SHANK2: variants seen among roughly 807,000 people sequenced by gnomAD.
SHANK2 encodes SH3 and multiple ankyrin repeat domains protein 2.
SHANK2 carries 43 observed loss-of-function variants against 133.7 expected under a neutral mutation model. The ratio of observed to expected loss-of-function variants is 0.32; its 90% confidence interval spans 0.25 to 0.41. The LOEUF is 0.41. SHANK2 is among the 10% of genes least tolerant of loss of function. The probability of loss-of-function intolerance (pLI) is 1.00; values close to 1 mark genes in which losing one functional copy is unlikely to be tolerated. For synonymous variants in SHANK2, 1,017 were observed against 952.8 expected (o/e 1.07, Z -1.24); for missense variants, 1,994 against 2,235.8 (o/e 0.89, Z 2.18).
intron 8 of SHANK2, among the ~76,000 whole-genome samples, chr11:71,087,996 C>T (rs1255040683): frequency 2.6e-5 from 4 of 152,150 alleles, no homozygotes; most frequent in African/African-American, 7.2e-5. Context: ...CTAAAGGAAA[C>T]CTGAATTTAA....
At chr11:70,872,092 G>A (rs976508611) in intron 11 of SHANK2, among the ~76,000 whole-genome samples, 3 of 152,158 alleles carry the variant, frequency 2.0e-5, no homozygotes, top group East Asian at 3.9e-4. Flanking sequence ...ACGTCACACC[G>A]CCAGTGGGTC....
intron 17 of SHANK2, among the ~76,000 whole-genome samples, chr11:70,624,967 C>T (rs1024704834): frequency 6.6e-6 from 1 of 152,200 alleles, no homozygotes; most frequent in African/African-American, 2.4e-5. Flanking sequence ...ACAGCCCCCA[C>T]AAGACCACCC....
At chr11:70,878,012 G>T (rs1949596926) in intron 11 of SHANK2, among the ~76,000 whole-genome samples, 1 of 152,224 alleles carries the variant, frequency 6.6e-6, no homozygotes, top group Non-Finnish European at 1.5e-5. Context: ...GGCGAAGAAT[G>T]CAGAGAAGCA....
intron 17 of SHANK2, among the ~76,000 whole-genome samples, chr11:70,518,662 G>T (rs1565091858): frequency 6.6e-6 from 1 of 152,164 alleles, no homozygotes; most frequent in African/African-American, 2.4e-5. Flanking sequence ...TTGCATCCAG[G>T]AGCCCTTTGC....
intron 14 of SHANK2, among the ~76,000 whole-genome samples, chr11:70,702,931 G>C (rs969613150): frequency 6.6e-6 from 1 of 152,244 alleles, no homozygotes; most frequent in Non-Finnish European, 1.5e-5. Flanking sequence ...GGGAAGGATT[G>C]AGGAATCAAT....
intron 11 of SHANK2, among the ~76,000 whole-genome samples, chr11:70,890,476 T>TA (rs60962829): frequency 4.2e-5 from 6 of 142,500 alleles, no homozygotes; most frequent in African/African-American, 1.3e-4. Flanking sequence ...CTGTCTCTAC[T>TA]AAAAAAAAAA....
chr11:70,662,133 G>A, intron 15 of SHANK2: 1 of 362,126 alleles, frequency 2.8e-6, no homozygotes. Context: ...GGGAAGCCCG[G>A]GAAAATCAGC....
At chr11:70,598,223 A>G (rs146516189) in intron 17 of SHANK2, among the ~76,000 whole-genome samples, 2 of 152,308 alleles carry the variant, frequency 1.3e-5, no homozygotes, top group Non-Finnish European at 2.9e-5. Flanking sequence ...TCATTTGTCG[A>G]ATGACCTCAG....
intron 14 of SHANK2, among the ~76,000 whole-genome samples, chr11:70,770,106 G>A (rs923246876): frequency 2.0e-5 from 3 of 152,246 alleles, no homozygotes; most frequent in Non-Finnish European, 4.4e-5. Context: ...CAAAGCAGCT[G>A]AGGGGAAGAT....
intron 11 of SHANK2, among the ~76,000 whole-genome samples, chr11:70,856,611 C>T (rs553911206): frequency 2.0e-4 from 30 of 152,224 alleles, no homozygotes; most frequent in African/African-American, 7.0e-4. Flanking sequence ...ATAAAGGCAA[C>T]CTTCCCCTCT....
At chr11:70,661,177 G>A (rs1206075336) in intron 16 of SHANK2, among the ~76,000 whole-genome samples, 1 of 152,132 alleles carries the variant, frequency 6.6e-6, no homozygotes, top group African/African-American at 2.4e-5. Flanking sequence ...CAGTTTCTAG[G>A]TGCCTGAAAC....
At chr11:70,851,146 G>A (rs1254374725) in intron 11 of SHANK2, among the ~76,000 whole-genome samples, 8 of 151,826 alleles carry the variant, frequency 5.3e-5, no homozygotes, top group Admixed American at 5.2e-4. Context: ...ACTTCATGGA[G>A]CCCTTAACTC....
intron 11 of SHANK2, among the ~76,000 whole-genome samples, chr11:70,869,399 G>A (rs947645586): frequency 1.3e-5 from 2 of 152,176 alleles, no homozygotes; most frequent in South Asian, 2.1e-4. Context: ...TGCACCGATC[G>A]GCACGTTATT....
intron 17 of SHANK2, among the ~76,000 whole-genome samples, chr11:70,511,677 A>C (rs183204169): frequency 6.6e-6 from 1 of 152,336 alleles, no homozygotes; most frequent in East Asian, 1.9e-4. Context: ...CTCCAAAAAA[A>C]GAGTAATGTG....
At chr11:70,842,365 G>C (rs959058596) in intron 11 of SHANK2, among the ~76,000 whole-genome samples, 15 of 152,266 alleles carry the variant, frequency 9.9e-5, no homozygotes, top group African/African-American at 3.6e-4. Context: ...TGGTGACCCC[G>C]AGGTGGTCAA....
At chr11:70,664,305 C>T (rs1356350157) in intron 15 of SHANK2, among the ~76,000 whole-genome samples, 2 of 152,222 alleles carry the variant, frequency 1.3e-5, no homozygotes, top group African/African-American at 4.8e-5. Flanking sequence ...CCCCATGGCT[C>T]ACTCACGGCT....
chr11:71,081,150 A>T (rs1411091844), intron 8 of SHANK2, among the ~76,000 whole-genome samples: 1 of 152,174 alleles, frequency 6.6e-6, no homozygotes, highest in Non-Finnish European at 1.5e-5. Flanking sequence ...AGACACACAG[A>T]GGGACGACCC....
chr11:70,486,393 G>C lies in SHANK2; in HGVS notation c.3900C>G (p.Ile1300Met), dbSNP rs373883984. ...TCTGCTGGGACGTGTCCATGATGTCGATCAGCATGTTCTTCTTGTCATCGC... is the reference window on the plus strand; with the variant it reads ...TCTGCTGGGACGTGTCCATGATGTCCATCAGCATGTTCTTCTTGTCATCGC... Reference protein sequence around the residue: ...RKGDDKKNMLIDIMDTSQQKS... With the variant: ...RKGDDKKNMLMDIMDTSQQKS... The change falls in exon 25 of 26, where the codon ATC (isoleucine) becomes ATG (methionine). Residue 1300 changes from isoleucine (I) to methionine (M), a missense_variant. Around this residue, in one of 5 missense-constraint regions of SHANK2, gnomAD observed 797 missense variants for 907.4 expected, o/e 0.88. Coordinates refer to ENST00000601538, the MANE Select transcript of SHANK2 (RefSeq NM_012309.5). The surrounding 1 kb of genome is among the most constrained non-coding windows in gnomAD (Gnocchi z 8.0). 11 of 1,613,904 alleles carry C rather than the reference G, an allele frequency of 6.8e-6. No individual in the cohort carries two copies. The Admixed American group carries it at 8.3e-5, about 12-fold the overall frequency.
At chr11:71,078,985 C>T (rs1465850338) in intron 8 of SHANK2, among the ~76,000 whole-genome samples, 4 of 152,204 alleles carry the variant, frequency 2.6e-5, no homozygotes, top group African/African-American at 7.2e-5. Flanking sequence ...AGCCAAGAGC[C>T]CTCCTGGGCT....
Sources: allele counts gnomAD v4.1 joint callset (sites outside exome capture counted in the v4.1 genomes callset), GRCh38; gene constraint gnomAD v4.1.1; regional missense constraint gnomAD v4.1.1; non-coding constraint Gnocchi (gnomAD v3.1); transcripts MANE v1.5; gene names NCBI Gene and HGNC (gene_info 2026-07-23, HGNC 2026-07-21).